C12orf42: variants seen among roughly 807,000 people sequenced by gnomAD.
C12orf42 encodes chromosome 12 open reading frame 42.
Under a neutral mutation model 21.6 loss-of-function variants are expected in C12orf42, and 25 were observed. The ratio of observed to expected loss-of-function variants is 1.16; its 90% CI spans 0.84 to 1.62. The LOEUF (loss-of-function observed/expected upper bound fraction) is 1.62. Among genes scored for constraint, C12orf42 ranks in the 40% most tolerant of loss-of-function variants. The pLI is 0.00. For missense variants in C12orf42, 483 were observed against 459.3 expected (o/e 1.05, Z -0.47); for synonymous variants, 174 against 175.0 (o/e 0.99, Z 0.05).
At chr12:103,159,132 C>A in the C12orf42 span, among the ~76,000 whole-genome samples, 93,074 of 152,036 alleles carry the variant, frequency 0.61, 30,370 homozygotes, top group East Asian at 0.85. Flanking sequence ...GTCTCCTTGC[C>A]AGAAGATAGG....
At chr12:103,118,905 CTTAAAGA>C in the C12orf42 span, among the ~76,000 whole-genome samples, 1 of 149,216 alleles carries the variant, frequency 6.7e-6, no homozygotes, top group Admixed American at 6.7e-5. Flanking sequence ...TGCACACATT[CTTAAAGA>C]TTTAGCCCTT....
the C12orf42 span, among the ~76,000 whole-genome samples, chr12:103,118,540 T>C: frequency 1.3e-5 from 2 of 152,254 alleles, no homozygotes; most frequent in Middle Eastern, 3.4e-3. Flanking sequence ...GGCTCATGCC[T>C]GTAATCCCAG....
chr12:103,540,542 T>C, the C12orf42 span, among the ~76,000 whole-genome samples: 2 of 152,348 alleles, frequency 1.3e-5, no homozygotes, highest in Non-Finnish European at 1.5e-5. Flanking sequence ...TTTCTTGTTA[T>C]GCAGTAACTT....
intron 3 of C12orf42, among the ~76,000 whole-genome samples, chr12:103,369,580 G>A (rs2045003783): frequency 1.3e-5 from 2 of 151,632 alleles, no homozygotes; most frequent in Non-Finnish European, 2.9e-5. Flanking sequence ...CAGGGGATAG[G>A]GAAGGGGGTC....
At chr12:103,192,502 C>CAA in the C12orf42 span, among the ~76,000 whole-genome samples, 3,076 of 104,404 alleles carry the variant, frequency 0.029, 52 homozygotes, top group East Asian at 0.033. Context: ...GACTCCATCT[C>CAA]AAAAAAAAAA....
At chr12:103,290,913 A>G (rs190845770) in intron 4 of C12orf42, among the ~76,000 whole-genome samples, 2 of 152,250 alleles carry the variant, frequency 1.3e-5, no homozygotes, top group African/African-American at 4.8e-5. Context: ...ATGAAATACT[A>G]TCTATTGAGT....
At chr12:103,244,639 C>T (rs1204285074) in intron 10 of C12orf42, among the ~76,000 whole-genome samples, 4 of 151,788 alleles carry the variant, frequency 2.6e-5, no homozygotes, top group Admixed American at 2.6e-4. Flanking sequence ...TATGAACATA[C>T]ATAACTATAC....
chr12:103,378,285 C>A (rs1242544748), intron 3 of C12orf42, among the ~76,000 whole-genome samples: 1 of 151,620 alleles, frequency 6.6e-6, no homozygotes, highest in Non-Finnish European at 1.5e-5. Flanking sequence ...TCACTGCTCA[C>A]TCGTCTACAC....
intron 4 of C12orf42, among the ~76,000 whole-genome samples, chr12:103,343,784 AAAAAAAGAAAAAG>A (rs1332568988): frequency 6.6e-6 from 1 of 151,914 alleles, no homozygotes; most frequent in African/African-American, 2.4e-5. Context: ...CAAAAAAAAA[AAAAAAAGAAAAAG>A]AAAAAAAGAA....
chr12:103,344,097 G>A (rs1566116740), intron 4 of C12orf42, among the ~76,000 whole-genome samples: 1 of 152,158 alleles, frequency 6.6e-6, no homozygotes, highest in Non-Finnish European at 1.5e-5. Context: ...GACCAAATTA[G>A]AAAAAGGGTG....
At chr12:103,299,233 A>G (rs1020831278), downstream of C12orf42, among the ~76,000 whole-genome samples, 14 of 152,184 alleles carry the variant, frequency 9.2e-5, no homozygotes, top group African/African-American at 3.4e-4. Flanking sequence ...AAGCTTCCTT[A>G]TCTATGAAAT....
At chr12:103,068,934 CATAT>C in the C12orf42 span, among the ~76,000 whole-genome samples, 230 of 47,920 alleles carry the variant, frequency 4.8e-3, 2 homozygotes, top group Middle Eastern at 0.014. Context: ...TCTCTCTCCA[CATAT>C]ATATATATAT....
At chr12:103,419,456 G>A (rs1291581956) in intron 2 of C12orf42, among the ~76,000 whole-genome samples, 1 of 152,078 alleles carries the variant, frequency 6.6e-6, no homozygotes, top group Non-Finnish European at 1.5e-5. Flanking sequence ...ACATAGAGGA[G>A]ATGGGTGACG....
At chr12:103,216,304 T>G in the C12orf42 span, among the ~76,000 whole-genome samples, 3 of 152,218 alleles carry the variant, frequency 2.0e-5, no homozygotes, top group Admixed American at 2.0e-4. Context: ...GTTCTGTTAT[T>G]TCTTTTTACA....
chr12:103,551,609 G>A, the C12orf42 span, among the ~76,000 whole-genome samples: 1 of 152,124 alleles, frequency 6.6e-6, no homozygotes, highest in Admixed American at 6.5e-5. Flanking sequence ...TTGAGGTCAG[G>A]AGTTCAAGAC....
the C12orf42 span, among the ~76,000 whole-genome samples, chr12:103,099,928 C>T: frequency 1.8e-4 from 27 of 152,254 alleles, no homozygotes; most frequent in East Asian, 1.7e-3. Flanking sequence ...ACTCTTGGTG[C>T]CAAATGCCCA....
the C12orf42 span, among the ~76,000 whole-genome samples, chr12:103,166,465 G>T: frequency 6.6e-6 from 1 of 152,122 alleles, no homozygotes; most frequent in African/African-American, 2.4e-5. Context: ...AGTTAATGAT[G>T]TAGGTATTGT....
At chr12:103,484,024 G>C (rs908858797) in intron 1 of C12orf42, among the ~76,000 whole-genome samples, 6 of 152,178 alleles carry the variant, frequency 3.9e-5, no homozygotes, top group Non-Finnish European at 8.8e-5. Context: ...GTATTCCATG[G>C]TGTATACGTG....
At chr12:103,105,307 TA>T in the C12orf42 span, among the ~76,000 whole-genome samples, 2 of 152,194 alleles carry the variant, frequency 1.3e-5, no homozygotes, top group East Asian at 3.9e-4. Context: ...AAGGAGATAA[TA>T]AAATTGAAAA....
Sources: allele counts gnomAD v4.1 joint callset (sites outside exome capture counted in the v4.1 genomes callset), GRCh38; gene constraint gnomAD v4.1.1; transcripts MANE v1.5; gene names NCBI Gene and HGNC (gene_info 2026-07-23, HGNC 2026-07-21).